ATRNL1: variants seen among roughly 807,000 people sequenced by gnomAD.
ATRNL1 encodes attractin like 1, also known as attractin-like protein 1.
ATRNL1 carries 95 observed loss-of-function variants against 182.7 expected under a neutral mutation model. The observed-to-expected ratio is 0.52, with a 90% CI of 0.44 to 0.62. The LOEUF is 0.62. Among genes scored for constraint, ATRNL1 ranks in the 20% least tolerant of loss-of-function variants. The pLI, the probability that ATRNL1 is intolerant of heterozygous loss-of-function variation, is 0.00. For synonymous variants in ATRNL1, 576 were observed against 568.3 expected (o/e 1.01, Z -0.19); for missense variants, 1,471 against 1,679.5 (o/e 0.88, Z 2.17).
At chr10:115,231,077 A>G (rs1325674657) in intron 9 of ATRNL1, among the ~76,000 whole-genome samples, 3 of 152,112 alleles carry the variant, frequency 2.0e-5, no homozygotes, top group African/African-American at 7.2e-5. Context: ...TTTGAGGTAC[A>G]TACTATACAG....
At chr10:115,340,584 A>G (rs186015056) in intron 19 of ATRNL1, among the ~76,000 whole-genome samples, 6 of 148,172 alleles carry the variant, frequency 4.0e-5, no homozygotes, top group Admixed American at 6.8e-5. Flanking sequence ...ATTTTTCAGA[A>G]TAGTTTGAGT....
At chr10:115,607,094 T>C (rs1404705873) in intron 26 of ATRNL1, among the ~76,000 whole-genome samples, 1 of 152,016 alleles carries the variant, frequency 6.6e-6, no homozygotes, top group East Asian at 1.9e-4. Flanking sequence ...CAATAATTTG[T>C]TTATTAATCA....
chr10:115,744,544 T>A (rs1948235140), intron 27 of ATRNL1, among the ~76,000 whole-genome samples: 1 of 152,114 alleles, frequency 6.6e-6, no homozygotes, highest in South Asian at 2.1e-4. Flanking sequence ...CACCATAGGA[T>A]CTCAGAATAC....
chr10:115,395,607 T>A (rs1378538828), intron 20 of ATRNL1, among the ~76,000 whole-genome samples: 2 of 151,852 alleles, frequency 1.3e-5, no homozygotes, highest in Non-Finnish European at 2.9e-5. Context: ...ATTCCAATTC[T>A]TGTCCTTTAA....
chr10:115,732,562 TAAGTC>T (rs1343819351), intron 27 of ATRNL1, among the ~76,000 whole-genome samples: 1 of 152,210 alleles, frequency 6.6e-6, no homozygotes, highest in African/African-American at 2.4e-5. Flanking sequence ...ATTTGAGTCT[TAAGTC>T]AATCCTATAA....
At chr10:115,923,197 C>T (rs1265338270) in intron 28 of ATRNL1, among the ~76,000 whole-genome samples, 3 of 152,030 alleles carry the variant, frequency 2.0e-5, no homozygotes, top group Non-Finnish European at 2.9e-5. Context: ...TCATGTAACC[C>T]AGTAACAAAA....
chr10:115,562,109 T>C (rs1402034880), intron 26 of ATRNL1, among the ~76,000 whole-genome samples: 2 of 152,184 alleles, frequency 1.3e-5, no homozygotes, highest in African/African-American at 4.8e-5. Context: ...AGCTTTAAAG[T>C]AGAAATATCC....
At chr10:115,738,726 A>G (rs1189459238) in intron 27 of ATRNL1, among the ~76,000 whole-genome samples, 1 of 152,172 alleles carries the variant, frequency 6.6e-6, no homozygotes, top group Non-Finnish European at 1.5e-5. Flanking sequence ...TGCTTCTTCA[A>G]TATTAACATG....
intron 27 of ATRNL1, among the ~76,000 whole-genome samples, chr10:115,728,069 A>G (rs1434817388): frequency 2.7e-5 from 4 of 146,604 alleles, no homozygotes; most frequent in Non-Finnish European, 4.5e-5. Context: ...AGGTCAGGAG[A>G]TCGCGACCAT....
chr10:115,515,094 A>C (rs1850570645), intron 24 of ATRNL1, among the ~76,000 whole-genome samples: 1 of 151,838 alleles, frequency 6.6e-6, no homozygotes, highest in South Asian at 2.1e-4. Flanking sequence ...TGTATTGAGC[A>C]ACTCTACACT....
intron 21 of ATRNL1, among the ~76,000 whole-genome samples, chr10:115,443,038 A>C (rs905098197): frequency 6.6e-6 from 1 of 151,944 alleles, no homozygotes; most frequent in Non-Finnish European, 1.5e-5. Flanking sequence ...TATTTAGTTT[A>C]TTTCTGGGAT....
intron 9 of ATRNL1, among the ~76,000 whole-genome samples, chr10:115,225,033 C>G (rs1849633982): frequency 6.6e-6 from 1 of 151,990 alleles, no homozygotes; most frequent in Admixed American, 6.6e-5. Flanking sequence ...ATGAGGCCAG[C>G]ATAACCTTGA....
intron 24 of ATRNL1, among the ~76,000 whole-genome samples, chr10:115,482,433 T>A (rs1848811830): frequency 6.6e-6 from 1 of 151,124 alleles, no homozygotes; most frequent in East Asian, 1.9e-4. Flanking sequence ...AATTTCCATG[T>A]TCTTTTAACT....
chr10:115,553,245 G>A (rs1291837677), intron 26 of ATRNL1, among the ~76,000 whole-genome samples: 1 of 151,134 alleles, frequency 6.6e-6, no homozygotes, highest in East Asian at 1.9e-4. Context: ...TTTAAATGTA[G>A]CATGTCTCTG....
intron 1 of ATRNL1, among the ~76,000 whole-genome samples, chr10:115,116,043 C>A (rs141393831): frequency 1.8e-4 from 27 of 152,146 alleles, no homozygotes; most frequent in Middle Eastern, 3.4e-3. Context: ...CAAACTTTTT[C>A]TGAAAAGGGC....
intron 1 of ATRNL1, among the ~76,000 whole-genome samples, chr10:115,110,331 A>G (rs543795558): frequency 6.6e-6 from 1 of 152,316 alleles, no homozygotes; most frequent in South Asian, 2.1e-4. Context: ...TAAAGACTCA[A>G]AGCATAAACT....
At chr10:115,261,497 A>G (rs1476884889) in intron 10 of ATRNL1, among the ~76,000 whole-genome samples, 30 of 152,174 alleles carry the variant, frequency 2.0e-4, no homozygotes, top group Admixed American at 2.0e-3. Context: ...TTCAGGAGGG[A>G]TGTCTTTACA....
intron 26 of ATRNL1, among the ~76,000 whole-genome samples, chr10:115,561,684 T>TGTGG (rs1853729646): frequency 2.0e-5 from 2 of 97,980 alleles, no homozygotes; most frequent in Middle Eastern, 5.6e-3. Flanking sequence ...TGTGTGTGTG[T>TGTGG]GTGTGGGTGT....
intron 24 of ATRNL1, among the ~76,000 whole-genome samples, chr10:115,505,786 T>C (rs1458766184): frequency 6.6e-6 from 1 of 151,888 alleles, no homozygotes; most frequent in Non-Finnish European, 1.5e-5. Flanking sequence ...CACACACACG[T>C]CTTGGATAAT....
Sources: allele counts gnomAD v4.1 joint callset (sites outside exome capture counted in the v4.1 genomes callset), GRCh38; gene constraint gnomAD v4.1.1; transcripts MANE v1.5; gene names NCBI Gene and HGNC (gene_info 2026-07-23, HGNC 2026-07-21).